The following HYCC1 variants were observed in gnomAD, a reference collection of about 807,000 sequenced individuals.
The protein encoded by HYCC1 is hyccin PI4KA lipid kinase complex subunit 1.
chr7:22,927,209 A>G, the HYCC1 span, among the ~76,000 whole-genome samples: 486 of 152,338 alleles, frequency 3.2e-3, 3 homozygotes, highest in African/African-American at 0.011. Context: ...TTATAGCACT[A>G]AATGCCCACA....
chr7:22,973,989 A>G, the HYCC1 span, among the ~76,000 whole-genome samples: 1 of 152,142 alleles, frequency 6.6e-6, no homozygotes, highest in Non-Finnish European at 1.5e-5. Context: ...TAATACATAA[A>G]AATACAAATA....
chr7:22,907,763 T>G, the HYCC1 span, among the ~76,000 whole-genome samples: 3 of 151,972 alleles, frequency 2.0e-5, no homozygotes, highest in Non-Finnish European at 4.4e-5. Context: ...AATACAAAAG[T>G]TAGCTGGGCG....
At chr7:22,976,150 C>T in the HYCC1 span, 2 of 1,028,348 alleles carry the variant, frequency 1.9e-6, no homozygotes, top group Non-Finnish European at 3.1e-6. Flanking sequence ...AGGTATGTAC[C>T]AGACTAGCAA....
At chr7:22,921,118 C>T in the HYCC1 span, among the ~76,000 whole-genome samples, 21 of 152,272 alleles carry the variant, frequency 1.4e-4, no homozygotes, top group Admixed American at 2.6e-4. Flanking sequence ...ATTAACCAGC[C>T]TCAGGTATTT....
chr7:22,952,108 A>G, the HYCC1 span, among the ~76,000 whole-genome samples: 1 of 152,012 alleles, frequency 6.6e-6, no homozygotes, highest in Non-Finnish European at 1.5e-5. Flanking sequence ...ATTGATTTAG[A>G]TGCTGGGGAT....
the HYCC1 span, chr7:22,940,285 T>C: frequency 8.1e-6 from 1 of 123,602 alleles, no homozygotes; most frequent in African/African-American, 3.1e-5. Context: ...AGAGTCTCAC[T>C]CTGTTGCCCA....
At chr7:22,940,801 C>T in the HYCC1 span, 1 of 151,070 alleles carries the variant, frequency 6.6e-6, no homozygotes, top group African/African-American at 2.4e-5. Context: ...GAGATATAGA[C>T]TCTTTCTTCT....
chr7:23,009,657 G>GA, the HYCC1 span, among the ~76,000 whole-genome samples: 3 of 149,854 alleles, frequency 2.0e-5, no homozygotes, highest in Non-Finnish European at 4.5e-5. Context: ...ATTTTAAAAA[G>GA]AAAAAAAAAG....
chr7:23,008,748 A>G, the HYCC1 span, among the ~76,000 whole-genome samples: 1 of 152,090 alleles, frequency 6.6e-6, no homozygotes, highest in Non-Finnish European at 1.5e-5. Flanking sequence ...GAGTATACAC[A>G]CATGATTTGG....
chr7:22,968,230 A>G, the HYCC1 span, among the ~76,000 whole-genome samples: 1 of 152,238 alleles, frequency 6.6e-6, no homozygotes, highest in South Asian at 2.1e-4. Flanking sequence ...TGTATTAACC[A>G]AAGTGGTGAA....
chr7:22,997,836 A>G, the HYCC1 span, among the ~76,000 whole-genome samples: 1 of 152,154 alleles, frequency 6.6e-6, no homozygotes, highest in Non-Finnish European at 1.5e-5. Flanking sequence ...CAAGTGTCTG[A>G]TTATCAAGAA....
chr7:22,908,188 T>C, the HYCC1 span, among the ~76,000 whole-genome samples: 4 of 152,362 alleles, frequency 2.6e-5, 1 homozygote, highest in South Asian at 8.3e-4. Flanking sequence ...GCACAAGGCA[T>C]AGTTCCATAC....
the HYCC1 span, among the ~76,000 whole-genome samples, chr7:23,013,390 G>C: frequency 6.6e-6 from 1 of 152,230 alleles, no homozygotes; most frequent in Admixed American, 6.5e-5. Flanking sequence ...GGGCGAGGGC[G>C]GGGGGTCGAC....
the HYCC1 span, among the ~76,000 whole-genome samples, chr7:23,012,418 TAAG>T: frequency 2.6e-5 from 4 of 152,320 alleles, no homozygotes; most frequent in Admixed American, 1.3e-4. Flanking sequence ...TGCCGATGAC[TAAG>T]AAGGTTTCTA....
chr7:23,002,192 T>G, the HYCC1 span, among the ~76,000 whole-genome samples: 1 of 136,050 alleles, frequency 7.4e-6, no homozygotes, highest in African/African-American at 2.8e-5. Context: ...AGTTTGCGGC[T>G]ACAGCATGTA....
At chr7:22,929,931 T>C in the HYCC1 span, among the ~76,000 whole-genome samples, 1 of 152,000 alleles carries the variant, frequency 6.6e-6, no homozygotes, top group Non-Finnish European at 1.5e-5. Context: ...AGCAAAGACT[T>C]GGAACCAACC....
chr7:22,963,147 G>A, the HYCC1 span, among the ~76,000 whole-genome samples: 1 of 152,034 alleles, frequency 6.6e-6, no homozygotes, highest in East Asian at 1.9e-4. Context: ...ACAAAATCAT[G>A]AACAATCAAA....
the HYCC1 span, among the ~76,000 whole-genome samples, chr7:23,012,370 T>TA: frequency 6.6e-6 from 1 of 152,208 alleles, no homozygotes; most frequent in Non-Finnish European, 1.5e-5. Flanking sequence ...CTGACCCAGC[T>TA]AATGCCTTAT....
the HYCC1 span, among the ~76,000 whole-genome samples, chr7:22,923,492 G>A: frequency 2.7e-4 from 41 of 152,018 alleles, no homozygotes; most frequent in Admixed American, 5.2e-4. Flanking sequence ...TCCATATTAA[G>A]TACACTGTAA....
Sources: gnomAD v4.1 joint callset for allele counts (sites outside exome capture counted in the v4.1 genomes callset) on GRCh38, gnomAD v4.1.1 for gene constraint, MANE v1.5 for transcripts, NCBI Gene and HGNC (gene_info 2026-07-23, HGNC 2026-07-21) for gene names.